Variants in TTC6 observed in about 807,000 individuals in gnomAD.
TTC6 encodes tetratricopeptide repeat protein 6.
A neutral mutation model predicts 210.4 loss-of-function variants in TTC6; 172 were observed. The ratio of observed to expected loss-of-function variants is 0.82; its 90% CI spans 0.72 to 0.93. The LOEUF (loss-of-function observed/expected upper bound fraction) is 0.93, where lower values mean the gene tolerates loss of function less well. Ranked by LOEUF, TTC6 falls within the 40% of genes least tolerant of loss-of-function variation. The pLI is 0.00. For missense variants in TTC6, 2,414 were observed against 2,318.1 expected (o/e 1.04, Z -0.85); for synonymous variants, 804 against 819.6 (o/e 0.98, Z 0.32).
chr14:37,667,499 A>G (rs1332893344), intron 1 of TTC6, among the ~76,000 whole-genome samples: 1 of 150,522 alleles, frequency 6.6e-6, no homozygotes, highest in Admixed American at 6.6e-5. Context: ...GTAACTCTCC[A>G]TTACTCATGC....
At chr14:37,828,927 C>T (rs2096178431) in intron 29 of TTC6, among the ~76,000 whole-genome samples, 1 of 151,770 alleles carries the variant, frequency 6.6e-6, no homozygotes, top group Non-Finnish European at 1.5e-5. Flanking sequence ...TCTTGTAATG[C>T]CTGCTTTGTG....
chr14:37,816,363 G>T (rs1470178993), intron 25 of TTC6, among the ~76,000 whole-genome samples: 1 of 152,106 alleles, frequency 6.6e-6, no homozygotes, highest in African/African-American at 2.4e-5. Context: ...GTTTGTGGAA[G>T]GGAGGAGGAG....
intron 7 of TTC6, among the ~76,000 whole-genome samples, chr14:37,727,291 A>ATTTTTTT (rs368293440): frequency 5.4e-5 from 5 of 92,242 alleles, no homozygotes; most frequent in Non-Finnish European, 1.1e-4. Context: ...TATTTTTCTA[A>ATTTTTTT]TTTTTTTTTT....
chr14:37,815,523 A>G (rs564273960), intron 25 of TTC6, among the ~76,000 whole-genome samples: 24 of 152,108 alleles, frequency 1.6e-4, no homozygotes, highest in African/African-American at 1.2e-4. Flanking sequence ...CTCAGGCAGT[A>G]ATGCTTACCT....
intron 3 of TTC6, among the ~76,000 whole-genome samples, chr14:37,693,351 T>G (rs1426399953): frequency 6.6e-6 from 1 of 151,994 alleles, no homozygotes; most frequent in African/African-American, 2.4e-5. Context: ...TATAAAACAC[T>G]GATGAAAGCA....
chr14:37,689,496 C>T (rs942052628), intron 3 of TTC6, among the ~76,000 whole-genome samples: 6 of 151,898 alleles, frequency 4.0e-5, no homozygotes, highest in Admixed American at 1.3e-4. Flanking sequence ...AAATTTAACC[C>T]AAAGACGGCT....
chr14:37,661,985 C>T (rs948513403), intron 1 of TTC6, among the ~76,000 whole-genome samples: 5 of 152,048 alleles, frequency 3.3e-5, no homozygotes, highest in Non-Finnish European at 7.4e-5. Context: ...TGTTGGTGTA[C>T]AGGAATGCTA....
At chr14:37,692,157 C>T (rs1443617947) in intron 3 of TTC6, among the ~76,000 whole-genome samples, 1 of 114,784 alleles carries the variant, frequency 8.7e-6, no homozygotes, top group African/African-American at 3.3e-5. Context: ...CTTCCAAACT[C>T]ATTCTATGAG....
At chr14:37,692,720 A>G (rs1386179838) in intron 3 of TTC6, among the ~76,000 whole-genome samples, 1 of 151,904 alleles carries the variant, frequency 6.6e-6, no homozygotes, top group African/African-American at 2.4e-5. Context: ...TTAGCCAGAT[A>G]TGGTGGTGCC....
chr14:37,713,147 C>G (rs1461330041), intron 5 of TTC6, among the ~76,000 whole-genome samples: 4 of 152,158 alleles, frequency 2.6e-5, no homozygotes, highest in Non-Finnish European at 4.4e-5. Flanking sequence ...GACATGCTCA[C>G]TGGCAAAAAA....
intron 5 of TTC6, among the ~76,000 whole-genome samples, chr14:37,704,768 A>G (rs933764885): frequency 6.6e-6 from 1 of 152,088 alleles, no homozygotes; most frequent in African/African-American, 2.4e-5. Flanking sequence ...AATCTTAGAA[A>G]GGGTGTTTAT....
intron 1 of TTC6, among the ~76,000 whole-genome samples, chr14:37,624,760 T>C (rs1252170398): frequency 6.6e-6 from 1 of 152,100 alleles, no homozygotes; most frequent in East Asian, 1.9e-4. Context: ...TAGCTGGGAC[T>C]ACAGCCGCCC....
chr14:37,722,210 A>T (rs1259206719), intron 6 of TTC6, among the ~76,000 whole-genome samples: 1 of 152,016 alleles, frequency 6.6e-6, no homozygotes, highest in Non-Finnish European at 1.5e-5. Flanking sequence ...AACACAAATT[A>T]ACCCAGGATG....
chr14:37,811,880 T>A lies in TTC6; in HGVS notation c.4570-434T>A, dbSNP rs552493198. On this transcript the variant is annotated intron_variant, in intron 24 of 30. Transcript: ENST00000553443. ...TATGTGCAGGCTTGATTCTTGTTACTGGGCTTAAAACAGTGAACAAAATGG... is the reference window on the plus strand; with the variant it reads ...TATGTGCAGGCTTGATTCTTGTTACAGGGCTTAAAACAGTGAACAAAATGG... Among the ~76,000 whole-genome samples, 3 of 152,346 alleles carry A rather than the reference T, an allele frequency of 2.0e-5. No homozygotes were observed. The East Asian group carries it at 5.8e-4, about 29-fold the overall frequency.
At chr14:37,731,221 T>C (rs1216221719) in intron 7 of TTC6, among the ~76,000 whole-genome samples, 2 of 152,182 alleles carry the variant, frequency 1.3e-5, no homozygotes, top group African/African-American at 4.8e-5. Flanking sequence ...ATTTAATATA[T>C]ATTGTTGATT....
intron 2 of TTC6, among the ~76,000 whole-genome samples, chr14:37,681,280 T>C (rs1381035784): frequency 6.6e-6 from 1 of 152,134 alleles, no homozygotes; most frequent in Non-Finnish European, 1.5e-5. Context: ...AAACTGAAAG[T>C]ACAATATCAG....
chr14:37,635,402 CAGAA>C (rs1215697118), intron 1 of TTC6, among the ~76,000 whole-genome samples: 35 of 151,916 alleles, frequency 2.3e-4, no homozygotes, highest in Admixed American at 1.8e-3. Flanking sequence ...CAGGTACAAA[CAGAA>C]AGAACAAAAA....
chr14:37,782,869 G>T (rs2096058583), intron 14 of TTC6, among the ~76,000 whole-genome samples: 1 of 152,054 alleles, frequency 6.6e-6, no homozygotes, highest in African/African-American at 2.4e-5. Flanking sequence ...GGCCTTTTCT[G>T]CATCTATTGA....
intron 5 of TTC6, among the ~76,000 whole-genome samples, chr14:37,706,473 C>T (rs1236207113): frequency 1.3e-5 from 2 of 152,030 alleles, no homozygotes; most frequent in Non-Finnish European, 2.9e-5. Flanking sequence ...ATGCTGATGA[C>T]TATCAATTGG....
Sources: gnomAD v4.1 joint callset for allele counts (sites outside exome capture counted in the v4.1 genomes callset) on GRCh38, gnomAD v4.1.1 for gene constraint, MANE v1.5 for transcripts, NCBI Gene and HGNC (gene_info 2026-07-23, HGNC 2026-07-21) for gene names.